The following ASXL3 variants were observed in gnomAD, a reference collection of about 807,000 sequenced individuals.
ASXL3 encodes the protein putative Polycomb group protein ASXL3.
Under a neutral mutation model 170.6 loss-of-function variants are expected in ASXL3, and 34 were observed. The ratio of observed to expected loss-of-function variants is 0.20; its 90% CI spans 0.15 to 0.27. The LOEUF (loss-of-function observed/expected upper bound fraction) is 0.27. Ranked by LOEUF, ASXL3 falls within the 10% of genes least tolerant of loss-of-function variation. ASXL3 has a pLI of 1.00. For synonymous variants in ASXL3, 1,002 were observed against 989.1 expected (o/e 1.01, Z -0.24); for missense variants, 2,592 against 2,695.3 (o/e 0.96, Z 0.85).
At chr18:33,704,287 T>G (rs570277869) in intron 8 of ASXL3, among the ~76,000 whole-genome samples, 126 of 152,262 alleles carry the variant, frequency 8.3e-4, no homozygotes, top group African/African-American at 2.9e-3. Context: ...CTTTTTGATA[T>G]TACAGATGCC....
intron 1 of ASXL3, among the ~76,000 whole-genome samples, chr18:33,587,862 G>A (rs558504329): frequency 2.0e-5 from 3 of 151,944 alleles, no homozygotes; most frequent in Non-Finnish European, 2.9e-5. Flanking sequence ...ATAAAAGTCG[G>A]CTGATTATTT....
At chr18:33,653,062 T>C (rs1036278882) in intron 4 of ASXL3, among the ~76,000 whole-genome samples, 1 of 151,982 alleles carries the variant, frequency 6.6e-6, no homozygotes, top group African/African-American at 2.4e-5. Flanking sequence ...AGGGAGTGTT[T>C]TGAGTAACTT....
intron 8 of ASXL3, among the ~76,000 whole-genome samples, chr18:33,696,399 C>G (rs1599506662): frequency 6.6e-6 from 1 of 152,226 alleles, no homozygotes; most frequent in South Asian, 2.1e-4. Context: ...TCTAATTCCT[C>G]ATTAAAGTGA....
At chr18:33,734,137 A>AGCTTTAGCATTCTTCTATAGCATTTAGCT (rs1362809245) in intron 9 of ASXL3, among the ~76,000 whole-genome samples, 173 bp from the exon 10 acceptor site, 1 of 52,050 alleles carries the variant, frequency 1.9e-5, no homozygotes, top group African/African-American at 9.9e-5. Flanking sequence ...TAGCATTTTT[A>AGCTTTAGCATTCTTCTATAGCATTTAGCT]TGAACATCTT....
In ASXL3 at chr18:33,646,381, T is replaced by A. The variant is rs377122714; in HGVS notation, c.355+28T>A. Reference sequence around the variant, plus strand: ...AAGTGTGATGAATTCCAAAATATAATCCCTTGTTCTCTTAAAAGTTATATA... The same window carrying A: ...AAGTGTGATGAATTCCAAAATATAAACCCTTGTTCTCTTAAAAGTTATATA... On this transcript the variant is annotated intron_variant, in intron 4 of 11. Transcript: ENST00000269197. 2.7e-6 allele frequency: 4 copies of A among 1,487,872 alleles called. No homozygotes were observed. In the African/African-American group the frequency reaches 5.6e-5, roughly 21 times the overall value. The allele number at this position is 1,487,872 out of a possible 1,614,324, so 92.2% of individuals were successfully genotyped here.
chr18:33,682,665 G>GGGACC, intron 7 of ASXL3, among the ~76,000 whole-genome samples: 1 of 152,238 alleles, frequency 6.6e-6, no homozygotes, highest in Non-Finnish European at 1.5e-5. Flanking sequence ...TCCCACCTCA[G>GGGACC]ACTCTGGGGT....
At chr18:33,639,277 C>T (rs1329074446) in intron 2 of ASXL3, among the ~76,000 whole-genome samples, 1 of 152,036 alleles carries the variant, frequency 6.6e-6, no homozygotes, top group African/African-American at 2.4e-5. Context: ...AGTCAAGGGA[C>T]CTGTGACCTA....
chr18:33,677,033 C>T (rs962210866), intron 7 of ASXL3, among the ~76,000 whole-genome samples: 3 of 152,182 alleles, frequency 2.0e-5, no homozygotes, highest in African/African-American at 7.2e-5. Flanking sequence ...TATACTTCTT[C>T]CTACCCAGTC....
rs1367008186 is a variant in ASXL3 at position 33,603,076 on chromosome 18, T to C, written c.55-4518T>C. Among the ~76,000 whole-genome samples, 3 of 152,198 alleles carry C rather than the reference T, an allele frequency of 2.0e-5. No homozygotes were observed. In the East Asian group the frequency reaches 5.8e-4, roughly 29 times the overall value. Reference sequence around the variant, plus strand: ...CAAATGTAGACATCTATCATTGAAATGGTACTTAAATTGTAGGGATTATTT... The same window carrying C: ...CAAATGTAGACATCTATCATTGAAACGGTACTTAAATTGTAGGGATTATTT... On this transcript the variant is annotated intron_variant, in intron 1 of 11. Coordinates refer to ENST00000269197, the MANE Select transcript of ASXL3 (RefSeq NM_030632.3).
intron 8 of ASXL3, among the ~76,000 whole-genome samples, chr18:33,727,043 C>T (rs1030156437): frequency 2.0e-5 from 3 of 152,150 alleles, no homozygotes; most frequent in Non-Finnish European, 2.9e-5. Context: ...TAGAGAGGCT[C>T]ATCCTGATAC....
At chr18:33,643,160 A>G (rs1399829705) in intron 2 of ASXL3, among the ~76,000 whole-genome samples, 1 of 151,928 alleles carries the variant, frequency 6.6e-6, no homozygotes, top group African/African-American at 2.4e-5. Context: ...TGGCATAATC[A>G]TTCTTAGCTT....
intron 2 of ASXL3, among the ~76,000 whole-genome samples, chr18:33,626,319 G>A (rs1025133160): frequency 6.6e-6 from 1 of 152,070 alleles, no homozygotes; most frequent in Admixed American, 6.6e-5. Context: ...TCCTTCTAAG[G>A]TTCCTGGCCC....
At chr18:33,615,410 T>G (rs2065406939) in intron 2 of ASXL3, among the ~76,000 whole-genome samples, 1 of 152,096 alleles carries the variant, frequency 6.6e-6, no homozygotes, top group South Asian at 2.1e-4. Context: ...CCCAAACAAT[T>G]ACAGTAGTAA....
At chr18:33,653,227 G>C (rs916438899) in intron 4 of ASXL3, among the ~76,000 whole-genome samples, 1 of 152,058 alleles carries the variant, frequency 6.6e-6, no homozygotes, top group African/African-American at 2.4e-5. Flanking sequence ...GGGTAGGAGA[G>C]TGTCAACAGG....
intron 2 of ASXL3, among the ~76,000 whole-genome samples, chr18:33,632,656 CTGTTT>C (rs2065697058): frequency 6.6e-6 from 1 of 152,140 alleles, no homozygotes; most frequent in South Asian, 2.1e-4. Context: ...AACCAGCCTA[CTGTTT>C]TGTTTTGTTT....
intron 1 of ASXL3, among the ~76,000 whole-genome samples, chr18:33,588,059 GTA>G: frequency 6.6e-6 from 1 of 152,196 alleles, no homozygotes; most frequent in East Asian, 1.9e-4. Flanking sequence ...TACTTAGTGT[GTA>G]TGTGTGTGTA....
chr18:33,717,942 C>T (rs996902261), intron 8 of ASXL3, among the ~76,000 whole-genome samples: 3 of 152,020 alleles, frequency 2.0e-5, no homozygotes, highest in Admixed American at 6.6e-5. Context: ...TATTGATAAC[C>T]CCTAAGCAAA....
intron 2 of ASXL3, among the ~76,000 whole-genome samples, chr18:33,639,491 T>C (rs1004713130): frequency 6.6e-5 from 10 of 152,160 alleles, no homozygotes; most frequent in Admixed American, 3.3e-4. Flanking sequence ...CTTTACTAGA[T>C]GTCTATAATT....
Position 33,744,338 on chromosome 18 carries a change from G to C in ASXL3, c.4490G>C (p.Ser1497Thr), listed in dbSNP as rs754788550. Residue 1497 changes from serine to threonine, a missense_variant, in exon 12 of 12, where the codon AGC becomes ACC. Physicochemically the swap from Ser to Thr is moderately conservative, Grantham distance 58. Coordinates refer to ENST00000269197, the MANE Select transcript of ASXL3 (RefSeq NM_030632.3). ...LTVSVESSEA[S>T]LDLQGRPVRT... is the part of the protein sequence containing the mutation. ...GTCTCCGTTGAAAGCTCAGAAGCCAGCTTGGACCTGCAGGGCAGACCAGTG... is the reference window on the plus strand; with the variant it reads ...GTCTCCGTTGAAAGCTCAGAAGCCACCTTGGACCTGCAGGGCAGACCAGTG... The C allele has an allele frequency of 8.7e-6, 14 of 1,614,012 alleles. No homozygotes were observed. The South Asian group carries it at 1.3e-4, about 15-fold the overall frequency.
Sources: allele counts gnomAD v4.1 joint callset (sites outside exome capture counted in the v4.1 genomes callset), GRCh38; gene constraint gnomAD v4.1.1; transcripts MANE v1.5; gene names NCBI Gene and HGNC (gene_info 2026-07-23, HGNC 2026-07-21).